Variants in KCNK13 observed in about 807,000 individuals in gnomAD.
KCNK13 encodes the protein potassium two pore domain channel subfamily K member 13.
A neutral mutation model predicts 23.4 loss-of-function variants in KCNK13; 12 were observed. The observed-to-expected ratio is 0.51, with a 90% CI of 0.33 to 0.83. The LOEUF is 0.83. KCNK13 is among the 40% of genes least tolerant of loss of function. The pLI, the probability that KCNK13 is intolerant of heterozygous loss-of-function variation, is 0.02. For synonymous variants in KCNK13, 231 were observed against 229.5 expected (o/e 1.01, Z -0.06); for missense variants, 463 against 556.3 (o/e 0.83, Z 1.69).
chr14:90,146,420 A>T (rs12891529), intron 1 of KCNK13, among the ~76,000 whole-genome samples: 43,792 of 151,912 alleles, frequency 0.29, 6,955 homozygotes, highest in Non-Finnish European at 0.37. Flanking sequence ...GGTTCAAGCG[A>T]TTCTCCTGTC....
intron 1 of KCNK13, among the ~76,000 whole-genome samples, chr14:90,152,515 A>G (rs11849638): frequency 0.065 from 9,882 of 152,156 alleles, 413 homozygotes; most frequent in South Asian, 0.21. Flanking sequence ...AGCCTGGGCA[A>G]TAAGAGCAAA....
chr14:90,166,209 A>G (rs1890300581), intron 1 of KCNK13, among the ~76,000 whole-genome samples: 1 of 152,242 alleles, frequency 6.6e-6, no homozygotes, highest in Non-Finnish European at 1.5e-5. Context: ...TGGAAATGAG[A>G]GAGGAGTCAT....
chr14:90,184,892 C>CGA lies in KCNK13; in HGVS notation c.1117_1118insAG (p.Gly373GlufsTer26). On this transcript the variant is annotated frameshift_variant, in exon 2 of 2. Coordinates refer to ENST00000282146, the MANE Select transcript of KCNK13 (RefSeq NM_022054.4). LOFTEE classifies it high-confidence loss of function. This position sits in a 1 kb window ranked among gnomAD's most constrained non-coding sequence, Gnocchi z 5.6. ...AGAAGCAACTGTCTGAGATGGCCAA[C>CGA]GGCTGCCCCCACCAGACCAGCACAC... 1 of 1,613,716 alleles carries CGA rather than the reference C, an allele frequency of 6.2e-7. No homozygotes were observed. Among genetic ancestry groups the CGA allele is most frequent in the Non-Finnish European group, 8.5e-7 (1 of 1,179,942 alleles).
chr14:90,105,805 C>T (rs1468860497), intron 1 of KCNK13, among the ~76,000 whole-genome samples: 1 of 152,126 alleles, frequency 6.6e-6, no homozygotes, highest in African/African-American at 2.4e-5. Context: ...AGAAAAGGTC[C>T]TAGGTTAAAA....
rs1890538367 is a variant in KCNK13 at position 90,185,292 on chromosome 14, A to G, written c.*289A>G. On this transcript the variant is annotated 3_prime_UTR_variant, in exon 2 of 2. Coordinates refer to ENST00000282146, the MANE Select transcript of KCNK13 (RefSeq NM_022054.4). Reference sequence around the variant, plus strand: ...CATTAGACATTGCCTTGTTTCATTAATCTTGTTTCAGAGCTTTAGCTGCCT... The same window carrying G: ...CATTAGACATTGCCTTGTTTCATTAGTCTTGTTTCAGAGCTTTAGCTGCCT... The G allele has an allele frequency of 3.5e-6, 1 of 283,184 alleles. No individual in the cohort carries two copies. The highest frequency in any genetic ancestry group is 4.7e-5 in the Admixed American group (1 of 21,276). 17.5% of individuals were successfully genotyped at this position (283,184 alleles called of 1,614,324 possible). A position where few individuals can be genotyped will look rare whatever the true frequency, so the allele number is the denominator to read the frequency against.
chr14:90,156,076 C>A (rs533669684), intron 1 of KCNK13, among the ~76,000 whole-genome samples: 2 of 151,986 alleles, frequency 1.3e-5, no homozygotes, highest in Admixed American at 1.3e-4. Flanking sequence ...TGGTAGCGCA[C>A]ACTTGTAGTC....
chr14:90,062,500 G>C lies in KCNK13; in HGVS notation c.295G>C (p.Gly99Arg), dbSNP rs1888957011. The change falls in exon 1 of 2, where the codon GGC becomes CGC. Residue 99 changes from glycine (G) to arginine (R), a missense_variant. Around this residue, in one of 3 missense-constraint regions of KCNK13, gnomAD observed 153 missense variants for 153.6 expected, o/e 1.00. Transcript: ENST00000282146. This position sits in a 1 kb window ranked among gnomAD's most constrained non-coding sequence, Gnocchi z 4.5. The stretch of plus-strand genomic sequence containing the variant: ...CGTCCGCCCGCGCTGGGACTTCACC[G>C]GCGCCTTCTACTTCGTGGGCACCGT... ...DNVRPRWDFTGAFYFVGTVVS... is the reference protein window; with the variant it reads ...DNVRPRWDFTRAFYFVGTVVS... 1 of 1,532,116 alleles carries C rather than the reference G, an allele frequency of 6.5e-7. No homozygotes were observed. Among genetic ancestry groups the C allele is most frequent in the Admixed American group, 2.0e-5 (1 of 49,754 alleles). The allele number at this position is 1,532,116 out of a possible 1,614,324, so 94.9% of individuals were successfully genotyped here.
intron 1 of KCNK13, among the ~76,000 whole-genome samples, chr14:90,125,599 G>GCA (rs35452662): frequency 0.023 from 1,514 of 64,634 alleles, 19 homozygotes; most frequent in African/African-American, 0.073. Flanking sequence ...ACACACACAC[G>GCA]CACACACACA....
chr14:90,144,699 T>C (rs1890053733), intron 1 of KCNK13, among the ~76,000 whole-genome samples: 1 of 152,104 alleles, frequency 6.6e-6, no homozygotes, highest in Non-Finnish European at 1.5e-5. Flanking sequence ...CCTCAAGTAA[T>C]CTACCCGCCT....
At chr14:90,085,104 A>G (rs1889256858) in intron 1 of KCNK13, among the ~76,000 whole-genome samples, 1 of 151,660 alleles carries the variant, frequency 6.6e-6, no homozygotes, top group Non-Finnish European at 1.5e-5. Context: ...CACGACGCCC[A>G]GCTAATTTTT....
intron 1 of KCNK13, among the ~76,000 whole-genome samples, chr14:90,094,602 T>C (rs1889385882): frequency 6.6e-6 from 1 of 151,608 alleles, no homozygotes; most frequent in Non-Finnish European, 1.5e-5. Context: ...ATTTGGCACC[T>C]GGAGGATGAT....
intron 1 of KCNK13, among the ~76,000 whole-genome samples, chr14:90,065,702 A>T (rs1034003434): frequency 5.9e-5 from 9 of 152,314 alleles, no homozygotes; most frequent in African/African-American, 2.2e-4. Flanking sequence ...GAGCACGGGG[A>T]TGTAATTTCC....
intron 1 of KCNK13, among the ~76,000 whole-genome samples, chr14:90,127,812 C>T (rs1252209535): frequency 2.2e-5 from 2 of 90,442 alleles, no homozygotes; most frequent in Admixed American, 1.5e-4. Context: ...AAGCAAGATG[C>T]TATCTAAAAA....
At chr14:90,084,116 G>A (rs1478389818) in intron 1 of KCNK13, among the ~76,000 whole-genome samples, 1 of 152,150 alleles carries the variant, frequency 6.6e-6, no homozygotes, top group Non-Finnish European at 1.5e-5. Context: ...CTCCAATGTT[G>A]TTGGTTTTTT....
At chr14:90,127,304 A>G (rs1482753465) in intron 1 of KCNK13, among the ~76,000 whole-genome samples, 1 of 152,072 alleles carries the variant, frequency 6.6e-6, no homozygotes, top group Non-Finnish European at 1.5e-5. Flanking sequence ...GGCACCCTAT[A>G]TGTTTTGTAG....
At chr14:90,139,718 T>C (rs112093468) in intron 1 of KCNK13, among the ~76,000 whole-genome samples, 24,612 of 152,024 alleles carry the variant, frequency 0.16, 2,277 homozygotes, top group South Asian at 0.29. Flanking sequence ...TCCCAGCACT[T>C]TGGGAGGCCG....
At chr14:90,111,342 T>C (rs1467691551) in intron 1 of KCNK13, among the ~76,000 whole-genome samples, 2 of 152,210 alleles carry the variant, frequency 1.3e-5, no homozygotes, top group Non-Finnish European at 2.9e-5. Context: ...AAGCCACTTA[T>C]ACATTTATTC....
chr14:90,101,558 G>A (rs181522455), intron 1 of KCNK13, among the ~76,000 whole-genome samples: 10 of 151,930 alleles, frequency 6.6e-5, no homozygotes. Context: ...GTAGGCCCAG[G>A]CAGATGGATT....
At chr14:90,107,074 C>T (rs747066202) in intron 1 of KCNK13, among the ~76,000 whole-genome samples, 4 of 152,090 alleles carry the variant, frequency 2.6e-5, no homozygotes, top group African/African-American at 7.2e-5. Context: ...TATAATGAAG[C>T]GCTCGGGTGT....
Sources: allele counts gnomAD v4.1 joint callset (sites outside exome capture counted in the v4.1 genomes callset), GRCh38; gene constraint gnomAD v4.1.1; regional missense constraint gnomAD v4.1.1; non-coding constraint Gnocchi (gnomAD v3.1); transcripts MANE v1.5; gene names NCBI Gene and HGNC (gene_info 2026-07-23, HGNC 2026-07-21).